VPS13B: variants seen among roughly 807,000 people sequenced by gnomAD.
The protein encoded by VPS13B is intermembrane lipid transfer protein VPS13B.
A neutral mutation model predicts 426.4 loss-of-function variants in VPS13B; 285 were observed. The ratio of observed to expected loss-of-function variants is 0.67; its 90% CI spans 0.61 to 0.74. VPS13B has a LOEUF of 0.74. Ranked by LOEUF, VPS13B falls within the 30% of genes least tolerant of loss-of-function variation. The pLI is 0.00. For missense variants in VPS13B, 4,537 were observed against 4,782.6 expected (o/e 0.95, Z 1.51); for synonymous variants, 1,676 against 1,676.4 (o/e 1.00, Z 0.01).
intron 17 of VPS13B, among the ~76,000 whole-genome samples, chr8:99,214,952 C>G (rs1273804609): frequency 6.6e-6 from 1 of 152,136 alleles, no homozygotes; most frequent in Non-Finnish European, 1.5e-5. Flanking sequence ...CTCCATATTT[C>G]TGCAATGCCC....
chr8:99,248,536 A>G (rs1292731638), intron 17 of VPS13B, among the ~76,000 whole-genome samples: 1 of 152,164 alleles, frequency 6.6e-6, no homozygotes, highest in Non-Finnish European at 1.5e-5. Context: ...ATAAAGCATT[A>G]AAATATGTAT....
chr8:99,766,112 G>T (rs1811211740), intron 39 of VPS13B, among the ~76,000 whole-genome samples: 2 of 104,464 alleles, frequency 1.9e-5, no homozygotes, highest in African/African-American at 7.6e-5. Flanking sequence ...TTCTTGCTCT[G>T]TCGCCCAGGC....
intron 44 of VPS13B, among the ~76,000 whole-genome samples, chr8:99,812,482 T>A (rs1020944739): frequency 3.3e-5 from 5 of 152,192 alleles, no homozygotes; most frequent in African/African-American, 1.2e-4. Flanking sequence ...TATATGCAGA[T>A]CCCTGATGCA....
chr8:99,135,260 A>T, intron 10 of VPS13B, 123 bp downstream of exon 10: 2 of 1,395,028 alleles, frequency 1.4e-6, no homozygotes, highest in South Asian at 2.6e-5. Context: ...GAGGAGCTTT[A>T]CTATTTCTCC....
chr8:99,875,681 G>GTT lies in VPS13B; in HGVS notation c.*17_*18dup. The GTT allele has an allele frequency of 6.2e-7, 1 of 1,613,730 alleles. No individual in the cohort carries two copies. Among genetic ancestry groups the GTT allele is most frequent in the Non-Finnish European group, 8.5e-7 (1 of 1,179,998 alleles). Reference sequence around the variant, plus strand: ...GGTTTCCTTGAGTCCCCTCTGAGGTGTTTATTCCTGCTTGTGTGATTTAGT... The same window carrying GTT: ...GGTTTCCTTGAGTCCCCTCTGAGGTGTTTTTATTCCTGCTTGTGTGATTTAGT... On this transcript the variant is annotated 3_prime_UTR_variant, in exon 62 of 62. Coordinates refer to ENST00000357162, the MANE Select transcript of VPS13B (RefSeq NM_152564.5).
chr8:99,718,655 A>AT (rs1411219551), intron 37 of VPS13B, among the ~76,000 whole-genome samples: 5 of 151,144 alleles, frequency 3.3e-5, no homozygotes, highest in Non-Finnish European at 1.5e-5. Context: ...TTAAATGTGA[A>AT]TTTTTTTCTT....
chr8:99,441,630 C>G (rs549515233), intron 22 of VPS13B, among the ~76,000 whole-genome samples: 1 of 152,162 alleles, frequency 6.6e-6, no homozygotes, highest in African/African-American at 2.4e-5. Flanking sequence ...TAAGAAGTCA[C>G]GATGAATTCA....
rs751912986 is a variant in VPS13B at position 99,641,985 on chromosome 8, C to T, written c.5395C>T (p.Arg1799Cys). Residue 1799 changes from arginine to cysteine, a missense_variant, in exon 34 of 62, where the codon CGC (arginine) becomes TGC (cysteine). By Grantham distance (180) the Arg-to-Cys change is radical. Around this residue, in one of 2 missense-constraint regions of VPS13B, gnomAD observed 4,311 missense variants for 4,474.3 expected, o/e 0.96. Coordinates refer to ENST00000357162, the MANE Select transcript of VPS13B (RefSeq NM_152564.5). ...TCAGCATCGCATTGCCCGTCCCTCA[C>T]GCCAGTCATCAATTGTAAAAAATCT... is the stretch of plus-strand genomic sequence containing the variant. The part of the protein sequence containing the change: ...ASQHRIARPS[R>C]QSSIVKNLNF... 31 of 1,613,974 alleles carry T rather than the reference C, an allele frequency of 1.9e-5. No individual in the cohort carries two copies. Among genetic ancestry groups the T allele is most frequent in the South Asian group, 7.7e-5 (7 of 91,086 alleles).
Position 99,398,877 on chromosome 8 carries a change from T to C in VPS13B, c.3082+7173T>C, listed in dbSNP as rs892637114. 3.3e-5 allele frequency among the ~76,000 whole-genome samples: 5 copies of C among 151,906 alleles called. No homozygotes were observed. In the East Asian group the frequency reaches 9.6e-4, roughly 29 times the overall value. On this transcript the variant is annotated intron_variant, in intron 21 of 61. Transcript: ENST00000357162. ...GATCAAAAAATGTATAATTTTCTCA[T>C]GACAAGCCTCCTATTTTTCTCATAC...
At chr8:99,098,608 C>G (rs4735598) in intron 4 of VPS13B, among the ~76,000 whole-genome samples, 12,649 of 152,120 alleles carry the variant, frequency 0.083, 885 homozygotes, top group African/African-American at 0.19. Context: ...GCATACACCT[C>G]TGCTTATATC....
At chr8:99,624,851 C>G (rs992691248) in intron 33 of VPS13B, among the ~76,000 whole-genome samples, 1 of 137,314 alleles carries the variant, frequency 7.3e-6, no homozygotes, top group African/African-American at 2.7e-5. Context: ...GAGTTTTGCT[C>G]TTGTTGCCCA....
At chr8:99,097,278 G>A (rs986607193) in intron 4 of VPS13B, among the ~76,000 whole-genome samples, 3 of 152,112 alleles carry the variant, frequency 2.0e-5, no homozygotes, top group Non-Finnish European at 2.9e-5. Context: ...CAAGATAGCT[G>A]ATGTTTATAT....
intron 31 of VPS13B, among the ~76,000 whole-genome samples, chr8:99,559,695 T>A (rs1824791993): frequency 6.6e-6 from 1 of 152,194 alleles, no homozygotes; most frequent in Admixed American, 6.5e-5. Flanking sequence ...TTTGTCAGGT[T>A]TGTCAAAGAT....
chr8:99,151,823 ACCGCACCTGGCCT>A (rs930724714), intron 14 of VPS13B, among the ~76,000 whole-genome samples: 4 of 152,086 alleles, frequency 2.6e-5, no homozygotes, highest in African/African-American at 9.7e-5. Context: ...GTGAGCTACC[ACCGCACCTGGCCT>A]TTTTTAGTAT....
intron 58 of VPS13B, among the ~76,000 whole-genome samples, chr8:99,863,441 C>T (rs1221814951): frequency 4.6e-5 from 7 of 152,116 alleles, no homozygotes; most frequent in Non-Finnish European, 7.3e-5. Context: ...TTAAGTACCA[C>T]TACTCTGCTC....
At chr8:99,119,014 T>C (rs1015466811) in intron 7 of VPS13B, among the ~76,000 whole-genome samples, 4 of 152,216 alleles carry the variant, frequency 2.6e-5, no homozygotes, top group African/African-American at 7.2e-5. Context: ...AGAGTTGCAG[T>C]TGGCCTACAT....
intron 35 of VPS13B, chr8:99,696,628 A>G (rs934218080): frequency 4.4e-6 from 3 of 683,086 alleles, no homozygotes; most frequent in Non-Finnish European, 8.3e-6. Context: ...CTTCGGGTCA[A>G]CCTGGAGCTG....
intron 36 of VPS13B, among the ~76,000 whole-genome samples, chr8:99,709,942 GA>G (rs1832642664): frequency 1.3e-5 from 2 of 152,152 alleles, no homozygotes; most frequent in African/African-American, 4.8e-5. Context: ...CAACTTTTCT[GA>G]AAGCCTAAAA....
chr8:99,491,941 C>A (rs191279106), intron 25 of VPS13B, among the ~76,000 whole-genome samples: 1 of 152,096 alleles, frequency 6.6e-6, no homozygotes, highest in Admixed American at 6.5e-5. Flanking sequence ...GGAGAAGAGG[C>A]GCTCTGGTTT....
Sources: allele counts gnomAD v4.1 joint callset (sites outside exome capture counted in the v4.1 genomes callset), GRCh38; gene constraint gnomAD v4.1.1; regional missense constraint gnomAD v4.1.1; transcripts MANE v1.5; gene names NCBI Gene and HGNC (gene_info 2026-07-23, HGNC 2026-07-21).